Variants in RYR2 observed in about 807,000 individuals in gnomAD.
The protein encoded by RYR2 is cardiac muscle ryanodine receptor-calcium release channel.
A neutral mutation model predicts 601.1 loss-of-function variants in RYR2; 227 were observed. The observed-to-expected ratio is 0.38, with a 90% CI of 0.34 to 0.42. The LOEUF (loss-of-function observed/expected upper bound fraction) is 0.42. Among genes scored for constraint, RYR2 ranks in the 10% least tolerant of loss-of-function variants. The pLI is 1.00. For synonymous variants in RYR2, 2,223 were observed against 2,175.1 expected, an observed-to-expected ratio of 1.02 and a Z score of -0.61; for missense variants, 4,646 against 6,156.5, an observed-to-expected ratio of 0.75 and a Z score of 8.21.
chr1:237,275,219 C>T (rs1690148619), intron 2 of RYR2, among the ~76,000 whole-genome samples: 1 of 151,658 alleles, frequency 6.6e-6, no homozygotes, highest in African/African-American at 2.4e-5. Flanking sequence ...TGCATTTTAA[C>T]AATCTAGGAG....
intron 80 of RYR2, among the ~76,000 whole-genome samples, chr1:237,748,439 C>G (rs1692263537): frequency 6.6e-6 from 1 of 152,224 alleles, no homozygotes; most frequent in African/African-American, 2.4e-5. Flanking sequence ...GAAGCCAGAG[C>G]TGCCTTGAAT....
intron 1 of RYR2, among the ~76,000 whole-genome samples, chr1:237,245,051 A>T (rs1686664456): frequency 1.2e-5 from 1 of 85,220 alleles, no homozygotes; most frequent in South Asian, 3.9e-4. Context: ...CTAAAAAATA[A>T]AAAAAAAATA....
intron 1 of RYR2, among the ~76,000 whole-genome samples, chr1:237,185,200 A>G (rs1679217428): frequency 6.6e-6 from 1 of 151,410 alleles, no homozygotes; most frequent in Admixed American, 6.6e-5. Context: ...CAGTCTCACT[A>G]TGTTGCCCAG....
intron 60 of RYR2, among the ~76,000 whole-genome samples, chr1:237,676,705 T>A (rs2148920095): frequency 6.6e-6 from 1 of 152,346 alleles, no homozygotes; most frequent in East Asian, 1.9e-4. Context: ...AGCATATCTC[T>A]AATGTAGCCA....
At chr1:237,615,388 C>G (rs552038244) in intron 37 of RYR2, among the ~76,000 whole-genome samples, 28 of 151,974 alleles carry the variant, frequency 1.8e-4, no homozygotes, top group Non-Finnish European at 3.5e-4. Flanking sequence ...AATGAGGTCT[C>G]GCTCTATTGC....
chr1:237,771,038 T>C (rs893350479), intron 85 of RYR2, among the ~76,000 whole-genome samples, 151 bp downstream of exon 85: 3 of 152,166 alleles, frequency 2.0e-5, no homozygotes, highest in African/African-American at 7.2e-5. Flanking sequence ...ACTGGGACGT[T>C]TTATATATTG....
chr1:237,833,502 A>G lies in RYR2; in HGVS notation c.*855A>G, dbSNP rs1664052858. 6.6e-6 allele frequency: 1 copy of G among 151,436 alleles called. No homozygotes were observed. Among genetic ancestry groups the G allele is most frequent in the African/African-American group, 2.5e-5 (1 of 40,550 alleles). 9.4% of individuals were successfully genotyped at this position (151,436 alleles called of 1,614,324 possible). On this transcript the variant is annotated 3_prime_UTR_variant, in exon 105 of 105. Transcript: ENST00000366574. ...AGAAACCATTCATTGCATGTTTATT[A>G]TGCAAGTTTAAATGAACAAAGAAAA...
intron 6 of RYR2, 72 bp from the exon 7 acceptor site, chr1:237,374,645 C>T: frequency 1.6e-6 from 2 of 1,283,854 alleles, no homozygotes; most frequent in Middle Eastern, 1.8e-4. Flanking sequence ...AGCTACAGAG[C>T]AACCTTGTCT....
At chr1:237,111,590 TAAA>T (rs71178394) in intron 1 of RYR2, among the ~76,000 whole-genome samples, 209 of 119,946 alleles carry the variant, frequency 1.7e-3, no homozygotes, top group African/African-American at 5.2e-3. Context: ...TCCGTCTCTT[TAAA>T]AAAAAAAAAA....
At chr1:237,570,217 CAAA>C (rs371744146) in intron 29 of RYR2, among the ~76,000 whole-genome samples, 2 of 130,200 alleles carry the variant, frequency 1.5e-5, no homozygotes. Context: ...GACTGCATCT[CAAA>C]AAAAAAAAAA....
At position 237,042,420 on chromosome 1, in the gene RYR2, C is replaced by T. The variant is rs1660016401; in HGVS notation, c.-102C>T. ...CCCGGCAGCGCGGCCCCCTCCAGCC[C>T]CCGGCTCCCGGCAGCAGAAGCAGAA... is the stretch of plus-strand genomic sequence containing the variant. On this transcript the variant is annotated 5_prime_UTR_variant, in exon 1 of 105. Coordinates refer to ENST00000366574, the MANE Select transcript of RYR2 (RefSeq NM_001035.3). The T allele has an allele frequency of 8.8e-6, 10 of 1,131,468 alleles. No individual in the cohort carries two copies. The highest frequency in any genetic ancestry group is 8.9e-6 in the Non-Finnish European group (8 of 899,264). 70.1% of individuals were successfully genotyped at this position (1,131,468 alleles called of 1,614,324 possible). A position where few individuals can be genotyped will look rare whatever the true frequency, so the allele number is the denominator to read the frequency against.
intron 1 of RYR2, among the ~76,000 whole-genome samples, chr1:237,094,895 C>G (rs1330611100): frequency 6.6e-6 from 1 of 152,176 alleles, no homozygotes; most frequent in Non-Finnish European, 1.5e-5. Flanking sequence ...CCGGCCTTGT[C>G]TTCCTAAATA....
chr1:237,652,065 A>G (rs1682815069), intron 51 of RYR2, among the ~76,000 whole-genome samples: 1 of 152,306 alleles, frequency 6.6e-6, no homozygotes, highest in African/African-American at 2.4e-5. Context: ...CAGGGAAAAG[A>G]TAAGCCAAGA....
intron 80 of RYR2, among the ~76,000 whole-genome samples, chr1:237,744,605 G>C (rs1030501740): frequency 6.6e-6 from 1 of 151,756 alleles, no homozygotes; most frequent in African/African-American, 2.4e-5. Flanking sequence ...GCAGTGAGCC[G>C]AGATTGCTCC....
chr1:237,334,839 G>A (rs1188475783), intron 3 of RYR2, among the ~76,000 whole-genome samples: 2 of 152,134 alleles, frequency 1.3e-5, no homozygotes, highest in Non-Finnish European at 1.5e-5. Flanking sequence ...ATAGCATAGG[G>A]TTAAAAACAG....
chr1:237,073,231 A>G (rs1017485495), intron 1 of RYR2, among the ~76,000 whole-genome samples: 2 of 152,180 alleles, frequency 1.3e-5, no homozygotes, highest in Non-Finnish European at 2.9e-5. Flanking sequence ...TGTTGAGAAT[A>G]CAGATAGGGG....
chr1:237,814,662 A>T (rs74965250), intron 100 of RYR2, among the ~76,000 whole-genome samples: 8,363 of 152,092 alleles, frequency 0.055, 739 homozygotes, highest in African/African-American at 0.19. Context: ...GAGGAGAAAG[A>T]GAAAAATGAT....
intron 25 of RYR2, among the ~76,000 whole-genome samples, chr1:237,540,100 A>C (rs757722638): frequency 6.6e-6 from 1 of 152,136 alleles, no homozygotes; most frequent in Non-Finnish European, 1.5e-5. Context: ...ATCTATTCTT[A>C]ATTTCACGCA....
chr1:237,555,456 A>G (rs1248303807), intron 27 of RYR2, among the ~76,000 whole-genome samples: 1 of 152,058 alleles, frequency 6.6e-6, no homozygotes, highest in Admixed American at 6.6e-5. Flanking sequence ...AATTTTGGGG[A>G]AAAAACTCAC....
Sources: gnomAD v4.1 joint callset for allele counts (sites outside exome capture counted in the v4.1 genomes callset) on GRCh38, gnomAD v4.1.1 for gene constraint, MANE v1.5 for transcripts, NCBI Gene and HGNC (gene_info 2026-07-23, HGNC 2026-07-21) for gene names.